The following COLEC11 variants were observed in gnomAD, a reference collection of about 807,000 sequenced individuals.
COLEC11 encodes the protein collectin-11.
COLEC11 carries 20 observed loss-of-function variants against 27.3 expected under a neutral mutation model. The observed-to-expected ratio is 0.73, with a 90% CI of 0.51 to 1.06. COLEC11 has a LOEUF of 1.06. Ranked by LOEUF, COLEC11 falls within the 50% of genes least tolerant of loss-of-function variation. COLEC11 has a pLI of 0.00. For synonymous variants in COLEC11, 163 were observed against 154.7 expected, an observed-to-expected ratio of 1.05 and a Z score of -0.40; for missense variants, 310 against 383.0, an observed-to-expected ratio of 0.81 and a Z score of 1.59.
At chr2:3,614,105 T>C (rs1230472374) in intron 3 of COLEC11, among the ~76,000 whole-genome samples, 1 of 150,876 alleles carries the variant, frequency 6.6e-6, no homozygotes, top group Non-Finnish European at 1.5e-5. Context: ...ACCTGTTGAG[T>C]AGCTGGCATG....
chr2:3,614,313 C>G lies in COLEC11; in HGVS notation c.202+931C>G, dbSNP rs985288487. Among the ~76,000 whole-genome samples, 3 of 152,002 alleles carry G rather than the reference C, an allele frequency of 2.0e-5. No homozygotes were observed. In the South Asian group the frequency reaches 6.2e-4, roughly 32 times the overall value. ...AACATATACTACAGTTAGCCAACCC[C>G]CCAACCAATCTTTTAACATTGGAGA... On this transcript the variant is annotated intron_variant, in intron 3 of 6. Coordinates refer to ENST00000349077, the MANE Select transcript of COLEC11 (RefSeq NM_024027.5).
chr2:3,633,709 A>T (rs1665180899), intron 3 of COLEC11, among the ~76,000 whole-genome samples: 1 of 152,150 alleles, frequency 6.6e-6, no homozygotes, highest in African/African-American at 2.4e-5. Context: ...CTTCCTCCTG[A>T]TGGTCAGCAC....
chr2:3,635,665 A>AT (rs1382099373), intron 3 of COLEC11, among the ~76,000 whole-genome samples: 2 of 152,224 alleles, frequency 1.3e-5, no homozygotes, highest in Admixed American at 6.5e-5. Flanking sequence ...AGCTGGCAAC[A>AT]CACAGCGCCT....
At position 3,623,657 on chromosome 2, in the gene COLEC11, T is replaced by TA. The variant is rs933437383; in HGVS notation, c.202+10284dup. On this transcript the variant is annotated intron_variant, in intron 3 of 6. Transcript: ENST00000349077. ...TAGAGTTTCTGTTTGGTTCTTTTTTTAAAAAAAAATCTCTATCTCTTCATT... is the reference window on the plus strand; with the variant it reads ...TAGAGTTTCTGTTTGGTTCTTTTTTTAAAAAAAAAATCTCTATCTCTTCATT... Among the ~76,000 whole-genome samples the TA allele has an allele frequency of 1.8e-4, 27 of 151,946 alleles. No homozygotes were observed. The South Asian group carries it at 2.3e-3, about 13-fold the overall frequency.
intron 3 of COLEC11, among the ~76,000 whole-genome samples, chr2:3,615,724 G>T (rs1461055139): frequency 1.3e-5 from 2 of 151,876 alleles, no homozygotes; most frequent in African/African-American, 2.4e-5. Context: ...GCTGGGCAGA[G>T]GCGCCCCCCA....
At position 3,644,461 on chromosome 2, in the gene COLEC11, G is replaced by C. The variant is rs1666121851; in HGVS notation, c.*343G>C. 1.9e-6 allele frequency: 1 copy of C among 513,688 alleles called. No homozygotes were observed. The highest frequency in any genetic ancestry group is 3.7e-6 in the Non-Finnish European group (1 of 266,964). 31.8% of individuals were successfully genotyped at this position (513,688 alleles called of 1,614,324 possible). A position where few individuals can be genotyped will look rare whatever the true frequency, so the allele number is the denominator to read the frequency against. Reference sequence around the variant, plus strand: ...GTAGTGCAGTAGTTAAGTCCAAATAGTGGCAATGGGGTCTTGAATTACTAC... The same window carrying C: ...GTAGTGCAGTAGTTAAGTCCAAATACTGGCAATGGGGTCTTGAATTACTAC... On this transcript the variant is annotated 3_prime_UTR_variant, in exon 7 of 7. Coordinates refer to ENST00000349077, the MANE Select transcript of COLEC11 (RefSeq NM_024027.5).
intron 1 of COLEC11, among the ~76,000 whole-genome samples, chr2:3,597,409 C>G (rs553065385): frequency 1.3e-5 from 2 of 149,512 alleles, no homozygotes; most frequent in Non-Finnish European, 3.0e-5. Context: ...AGTGAAGGCA[C>G]GAGAAATCCC....
intron 2 of COLEC11, 96 bp from the exon 3 acceptor site, chr2:3,613,215 C>T (rs1468493507): frequency 2.3e-5 from 31 of 1,359,194 alleles, no homozygotes; most frequent in South Asian, 8.7e-5. Flanking sequence ...TGCAGGGACC[C>T]GGGGAGAACG....
At chr2:3,627,317 T>G (rs1664625872) in intron 3 of COLEC11, among the ~76,000 whole-genome samples, 1 of 110,266 alleles carries the variant, frequency 9.1e-6, no homozygotes, top group African/African-American at 3.6e-5. Flanking sequence ...GGGGGCATGA[T>G]GACGGGGGGC....
intron 3 of COLEC11, among the ~76,000 whole-genome samples, chr2:3,616,543 G>A (rs56378810): frequency 0.084 from 12,797 of 152,288 alleles, 915 homozygotes; most frequent in African/African-American, 0.2. Flanking sequence ...GATCACTCCC[G>A]GTTAGGAGCT....
chr2:3,637,275 C>T (rs1053579420), intron 3 of COLEC11, among the ~76,000 whole-genome samples: 6 of 152,210 alleles, frequency 3.9e-5, no homozygotes, highest in Non-Finnish European at 8.8e-5. Context: ...AGGGGTGCCC[C>T]GTTCAGCCCC....
intron 2 of COLEC11, chr2:3,606,368 C>A: frequency 2.5e-6 from 2 of 809,178 alleles, no homozygotes; most frequent in South Asian, 1.7e-5. Context: ...CCTGGATGTG[C>A]TGTCATTTCC....
intron 4 of COLEC11, 142 bp downstream of exon 4, chr2:3,637,746 C>T (rs1665538453): frequency 5.2e-6 from 4 of 771,704 alleles, no homozygotes; most frequent in Non-Finnish European, 9.2e-6. Context: ...AAATCTACTG[C>T]AGTACTTCCA....
At position 3,613,372 on chromosome 2, in the gene COLEC11, G is replaced by A. The variant is rs907114358; in HGVS notation, c.192G>A (p.Thr64=). 13 of 1,599,492 alleles carry A rather than the reference G, an allele frequency of 8.1e-6. No individual in the cohort carries two copies. The highest frequency in any genetic ancestry group is 1.7e-5 in the Admixed American group (1 of 57,678). The part of the protein sequence containing the change: ...APGRPGRVGP[T]GEKGDMGDKG... ...GACGGCCTGGAAGAGTCGGCCCCACGGGAGAAAAAGGTACCTGCAGCCCTG... is the reference window on the plus strand; with the variant it reads ...GACGGCCTGGAAGAGTCGGCCCCACAGGAGAAAAAGGTACCTGCAGCCCTG... The change falls in exon 3 of 7, where the codon ACG becomes ACA. Residue 64 remains threonine, a synonymous_variant. Transcript: ENST00000349077.
At chr2:3,630,840 C>A (rs909574043) in intron 3 of COLEC11, among the ~76,000 whole-genome samples, 9 of 152,224 alleles carry the variant, frequency 5.9e-5, no homozygotes, top group Admixed American at 5.9e-4. Context: ...GACCTTCACT[C>A]TCGGCCAGTC....
At chr2:3,635,745 C>T (rs554690811) in intron 3 of COLEC11, among the ~76,000 whole-genome samples, 1 of 152,344 alleles carries the variant, frequency 6.6e-6, no homozygotes, top group South Asian at 2.1e-4. Context: ...GGATCTCCCT[C>T]TGCCTCCCTC....
intron 3 of COLEC11, among the ~76,000 whole-genome samples, chr2:3,616,517 G>C (rs1326766216): frequency 6.6e-6 from 1 of 152,244 alleles, no homozygotes; most frequent in African/African-American, 2.4e-5. Flanking sequence ...GGCACCTCGG[G>C]AGGCCGAGGC....
chr2:3,609,354 T>C (rs1193213175), intron 2 of COLEC11, among the ~76,000 whole-genome samples: 570 of 82,118 alleles, frequency 6.9e-3, no homozygotes, highest in African/African-American at 0.012. Context: ...TTTCTTTGAT[T>C]TTTTTTTTTT....
chr2:3,630,193 G>A (rs1227215004), intron 3 of COLEC11, among the ~76,000 whole-genome samples: 3 of 152,170 alleles, frequency 2.0e-5, no homozygotes, highest in African/African-American at 7.2e-5. Flanking sequence ...ATGCATATGT[G>A]TATAGTATGT....
Sources: allele counts gnomAD v4.1 joint callset (sites outside exome capture counted in the v4.1 genomes callset), GRCh38; gene constraint gnomAD v4.1.1; transcripts MANE v1.5; gene names NCBI Gene and HGNC (gene_info 2026-07-23, HGNC 2026-07-21).